DTNB: variants seen among roughly 807,000 people sequenced by gnomAD.
DTNB encodes the protein DTN-B.
Under a neutral mutation model 90.7 loss-of-function variants are expected in DTNB, and 63 were observed. That is an observed-to-expected ratio of 0.69 (90% CI 0.57 to 0.86). The LOEUF (loss-of-function observed/expected upper bound fraction) is 0.86, where lower values mean the gene tolerates loss of function less well. Ranked by LOEUF, DTNB falls within the 40% of genes least tolerant of loss-of-function variation. The pLI is 0.00. For synonymous variants in DTNB, 277 were observed against 286.7 expected (o/e 0.97, Z 0.34); for missense variants, 744 against 807.1 (o/e 0.92, Z 0.95).
In DTNB at chr2:25,432,359, T is replaced by C. The variant is rs2054188634; in HGVS notation, c.1457+527A>G. Among the ~76,000 whole-genome samples, 3 of 152,158 alleles carry C rather than the reference T, an allele frequency of 2.0e-5. No individual in the cohort carries two copies. In the South Asian group the frequency reaches 6.2e-4, roughly 31 times the overall value. On this transcript the variant is annotated intron_variant, in intron 14 of 20. Transcript: ENST00000406818. Reference sequence around the variant, plus strand: ...AACATGGTGGTGACGCTGCTCTCTATTCCCATTCTCATCCTATGTCCTTAG... The same window carrying C: ...AACATGGTGGTGACGCTGCTCTCTACTCCCATTCTCATCCTATGTCCTTAG...
rs550061999 is a variant in DTNB at position 25,655,172 on chromosome 2, C to T, written c.-1-2511G>A. ...CCCAAGTTTCGACTGTGAAAGCAGG[C>T]AAATTACAAAGATTGAATTCACAGT... On this transcript the variant is annotated intron_variant, in intron 1 of 20. Transcript: ENST00000406818. Among the ~76,000 whole-genome samples, 27 of 152,314 alleles carry T rather than the reference C, an allele frequency of 1.8e-4. No individual in the cohort carries two copies. The South Asian group carries it at 4.8e-3, about 27-fold the overall frequency.
intron 10 of DTNB, among the ~76,000 whole-genome samples, chr2:25,475,027 A>C (rs554585937): frequency 3.9e-5 from 6 of 152,286 alleles, no homozygotes; most frequent in Admixed American, 2.6e-4. Context: ...CTAAGACATA[A>C]AAATATTGAA....
chr2:25,577,288 T>C (rs1298772800), intron 7 of DTNB, among the ~76,000 whole-genome samples: 3 of 151,838 alleles, frequency 2.0e-5, no homozygotes, highest in Non-Finnish European at 4.4e-5. Flanking sequence ...TACAAAAAAA[T>C]TGGCTGCGCA....
intron 8 of DTNB, among the ~76,000 whole-genome samples, chr2:25,571,006 G>A (rs530255081): frequency 6.6e-5 from 10 of 152,086 alleles, no homozygotes; most frequent in Non-Finnish European, 1.3e-4. Context: ...CGGAACAAAC[G>A]GTGAATCAAG....
chr2:25,546,815 T>C (rs1313588814), intron 8 of DTNB, among the ~76,000 whole-genome samples: 2 of 152,158 alleles, frequency 1.3e-5, no homozygotes, highest in East Asian at 1.9e-4. Context: ...ATTAGGTTGG[T>C]GCAACAAGAT....
chr2:25,648,993 C>CTTTTT (rs60749102), intron 2 of DTNB, among the ~76,000 whole-genome samples: 5 of 94,032 alleles, frequency 5.3e-5, no homozygotes, highest in Non-Finnish European at 5.9e-5. Context: ...TCCTTCCTAC[C>CTTTTT]TTTTTTTTTT....
At chr2:25,390,062 C>T (rs1049252231) in intron 16 of DTNB, among the ~76,000 whole-genome samples, 1 of 152,126 alleles carries the variant, frequency 6.6e-6, no homozygotes, top group Admixed American at 6.5e-5. Context: ...CCTCTCCTCC[C>T]TTCAGAGGCA....
At chr2:25,629,894 T>C (rs1403973384) in intron 3 of DTNB, among the ~76,000 whole-genome samples, 9 of 152,180 alleles carry the variant, frequency 5.9e-5, no homozygotes, top group African/African-American at 2.2e-4. Flanking sequence ...CGCTGCATTT[T>C]ATTTAAATTT....
intron 8 of DTNB, among the ~76,000 whole-genome samples, chr2:25,562,453 G>C (rs979181096): frequency 1.3e-5 from 2 of 152,194 alleles, no homozygotes; most frequent in African/African-American, 4.8e-5. Context: ...CCTAGGAGCA[G>C]ATTGTTGGAT....
At chr2:25,396,690 G>A (rs542944455) in intron 16 of DTNB, among the ~76,000 whole-genome samples, 8 of 131,948 alleles carry the variant, frequency 6.1e-5, no homozygotes, top group South Asian at 5.0e-4. Context: ...TGCCCCTCCC[G>A]CCATGTTCCC....
At chr2:25,603,859 G>A (rs1343316437) in intron 5 of DTNB, among the ~76,000 whole-genome samples, 1 of 152,198 alleles carries the variant, frequency 6.6e-6, no homozygotes. Flanking sequence ...TTACAATACA[G>A]TGTTACTTCT....
chr2:25,525,747 T>A (rs1244137611), intron 9 of DTNB, among the ~76,000 whole-genome samples: 1 of 152,196 alleles, frequency 6.6e-6, no homozygotes, highest in Non-Finnish European at 1.5e-5. Flanking sequence ...CATTTTTACT[T>A]AAATTTCTAA....
At chr2:25,566,250 C>T (rs897686485) in intron 8 of DTNB, among the ~76,000 whole-genome samples, 5 of 152,128 alleles carry the variant, frequency 3.3e-5, no homozygotes, top group Non-Finnish European at 7.4e-5. Context: ...CCTCAGCTGG[C>T]CGCCAGCAGG....
chr2:25,475,734 T>C (rs1299210478), intron 10 of DTNB, among the ~76,000 whole-genome samples: 1 of 152,242 alleles, frequency 6.6e-6, no homozygotes, highest in Non-Finnish European at 1.5e-5. Context: ...ATGCAGCTGG[T>C]GACTTTAACT....
chr2:25,502,880 TAAAAA>T (rs776792939), intron 9 of DTNB, among the ~76,000 whole-genome samples: 4 of 79,502 alleles, frequency 5.0e-5, no homozygotes, highest in African/African-American at 1.5e-4. Context: ...AGCAACTGTC[TAAAAA>T]AAAAAAAAAA....
intron 1 of DTNB, among the ~76,000 whole-genome samples, chr2:25,658,906 A>AT (rs2148989880): frequency 6.6e-6 from 1 of 152,224 alleles, no homozygotes; most frequent in African/African-American, 2.4e-5. Flanking sequence ...GTGAATCTTT[A>AT]TTTTTTTAAT....
At chr2:25,547,022 T>C in intron 8 of DTNB, among the ~76,000 whole-genome samples, 1 of 151,638 alleles carries the variant, frequency 6.6e-6, no homozygotes. Flanking sequence ...AATTCTTTTG[T>C]TGTTGTTGTA....
Position 25,526,396 on chromosome 2 carries a change from T to TATA in DTNB, c.1001+5076_1001+5077insTAT, listed in dbSNP as rs1491443224. Among the ~76,000 whole-genome samples, 190 of 34,892 alleles carry TATA rather than the reference T, an allele frequency of 5.4e-3. 1 individual carries two copies. Among genetic ancestry groups the TATA allele is most frequent in the Middle Eastern group, 0.014 (1 of 74 alleles). The allele number at this position is 34,892 out of a possible 152,430, so 22.9% of individuals were successfully genotyped here. On this transcript the variant is annotated intron_variant, in intron 9 of 20. Transcript: ENST00000406818. ...ATATATATATATATATATATATATA[T>TATA]TTTTTTTTTTTTAATTGAGACAGAG...
intron 9 of DTNB, among the ~76,000 whole-genome samples, chr2:25,515,887 T>A (rs1306534096): frequency 6.6e-6 from 1 of 152,122 alleles, no homozygotes; most frequent in Non-Finnish European, 1.5e-5. Flanking sequence ...GCTTCATTTC[T>A]AAGATGTTAA....
Sources: gnomAD v4.1 joint callset for allele counts (sites outside exome capture counted in the v4.1 genomes callset) on GRCh38, gnomAD v4.1.1 for gene constraint, MANE v1.5 for transcripts, NCBI Gene and HGNC (gene_info 2026-07-23, HGNC 2026-07-21) for gene names.